Variants in LAMA5 observed in about 807,000 individuals in gnomAD.
LAMA5 encodes the protein laminin subunit alpha-5.
Under a neutral mutation model 433.4 loss-of-function variants are expected in LAMA5, and 260 were observed. That is an observed-to-expected ratio of 0.60 (90% CI 0.54 to 0.66). The LOEUF (loss-of-function observed/expected upper bound fraction) is 0.66. LAMA5 is among the 30% of genes least tolerant of loss of function. The pLI is 0.00. For synonymous variants in LAMA5, 2,620 were observed against 2,226.6 expected, an observed-to-expected ratio of 1.18 and a Z score of -4.97; for missense variants, 5,378 against 5,258.5, an observed-to-expected ratio of 1.02 and a Z score of -0.70.
intron 6 of LAMA5, 146 bp downstream of exon 6, chr20:62,351,557 TG>T: frequency 1.4e-6 from 1 of 716,302 alleles, no homozygotes; most frequent in Non-Finnish European, 2.4e-6. Flanking sequence ...CACACGGCGG[TG>T]GTCAGTGCAG....
intron 52 of LAMA5, 38 bp downstream of exon 52, chr20:62,318,805 C>G (rs904222934): frequency 1.2e-6 from 2 of 1,603,752 alleles, no homozygotes; most frequent in Admixed American, 1.7e-5. Flanking sequence ...AGGTCCCTGC[C>G]TCTCCCCACC....
intron 55 of LAMA5, 126 bp from the exon 56 acceptor site, chr20:62,317,149 G>T: frequency 8.0e-7 from 1 of 1,245,832 alleles, no homozygotes; most frequent in Non-Finnish European, 1.1e-6. Context: ...CCAGGTCTTT[G>T]CCCGTGCCTG....
chr20:62,325,602 A>C, intron 40 of LAMA5, 56 bp from the exon 41 acceptor site: 2 of 1,209,070 alleles, frequency 1.7e-6, no homozygotes, highest in Non-Finnish European at 2.4e-6. Flanking sequence ...CAGAACAGGG[A>C]GCCTAGAACA....
rs766927743 is a variant in LAMA5, at chr20:62,313,696, G to T, written c.8611C>A (p.Pro2871Thr). 3.1e-6 allele frequency: 5 copies of T among 1,612,860 alleles called. No homozygotes were observed. In the East Asian group the frequency reaches 1.1e-4, roughly 36 times the overall value. The change falls in exon 63 of 80, where the codon CCA becomes ACA. Residue 2871 changes from proline to threonine, a missense_variant. By Grantham distance (38) the Pro-to-Thr change is conservative (BLOSUM62 -1). Coordinates refer to ENST00000252999, the MANE Select transcript of LAMA5 (RefSeq NM_005560.6). The part of the protein sequence containing the change: ...PGAEGLLNLR[P>T]DDFVFYVGGY... ...CCGACGTAGAAGACGAAGTCGTCTG[G>T]CCGCAGGTTGAGCAGCCCCTCTGCC...
chr20:62,309,070 CAGAA>C lies in LAMA5; in HGVS notation c.*262_*265del, dbSNP rs1985741887. The C allele has an allele frequency of 3.3e-6, 2 of 609,394 alleles. No individual in the cohort carries two copies. Among genetic ancestry groups the C allele is most frequent in the South Asian group, 4.7e-5 (2 of 42,470 alleles). 37.7% of individuals were successfully genotyped at this position (609,394 alleles called of 1,614,324 possible). On this transcript the variant is annotated 3_prime_UTR_variant, in exon 80 of 80. Coordinates refer to ENST00000252999, the MANE Select transcript of LAMA5 (RefSeq NM_005560.6). ...TTAAGTCAACATTCATTCGGTTACA[CAGAA>C]GTTACTTTTTAATTTTTAAGGAGGA...
chr20:62,334,554 G>A lies in LAMA5; in HGVS notation c.2550C>T (p.Cys850=). The stretch of plus-strand genomic sequence containing the variant: ...AGGTGGGGCCCTGGGTGTTGGGGCG[G>A]CACCGGCAGACGCCCGTCCTCGGTT... The part of the protein sequence containing the change: ...SCEPRTGVCR[C]RPNTQGPTCS... The change falls in exon 21 of 80, where the codon TGC becomes TGT. Residue 850 remains cysteine, a synonymous_variant. Transcript: ENST00000252999. The A allele has an allele frequency of 6.5e-7, 1 of 1,548,558 alleles. No homozygotes were observed.
rs143316901 is a variant in LAMA5 at position 62,324,639 on chromosome 20, G to GA, written c.5530-86dup. On this transcript the variant is annotated intron_variant, in intron 41 of 79. Coordinates refer to ENST00000252999, the MANE Select transcript of LAMA5 (RefSeq NM_005560.6). The surrounding 1 kb of genome is among the most constrained non-coding windows in gnomAD (Gnocchi z 4.4). ...CAAGCTCACAAGTCAGACCCTCAGG[G>GA]ATCCTGCAGGCACGAGGCACTGGGA... 3.2e-4 allele frequency: 271 copies of GA among 840,796 alleles called. 2 individuals are homozygous for GA. The East Asian group carries it at 7.2e-3, about 22-fold the overall frequency. The allele number at this position is 840,796 out of a possible 1,614,324, so 52.1% of individuals were successfully genotyped here.
intron 50 of LAMA5, among the ~76,000 whole-genome samples, 153 bp from the exon 51 acceptor site, chr20:62,319,948 C>G (rs1241991134): frequency 6.6e-6 from 1 of 152,228 alleles, no homozygotes; most frequent in Non-Finnish European, 1.5e-5. Context: ...TTATTTATCA[C>G]TTGTTAGTTA....
chr20:62,365,048 GCATC>G (rs1390872288), intron 1 of LAMA5, among the ~76,000 whole-genome samples: 2 of 152,284 alleles, frequency 1.3e-5, no homozygotes, highest in Non-Finnish European at 2.9e-5. Flanking sequence ...GATGAAGGAG[GCATC>G]CAAGGTCATA....
chr20:62,338,678 C>A (rs1248263032), intron 11 of LAMA5, 70 bp from the exon 12 acceptor site: 4 of 1,425,448 alleles, frequency 2.8e-6, no homozygotes, highest in African/African-American at 1.4e-5. Flanking sequence ...CCTGGCAAAC[C>A]TTCCCTCTCC....
At chr20:62,311,816 T>TTGGCG in intron 70 of LAMA5, 32 bp from the exon 71 acceptor site, 5 of 1,520,988 alleles carry the variant, frequency 3.3e-6, no homozygotes, top group Non-Finnish European at 4.5e-6. Flanking sequence ...GCTCGGTTTT[T>TTGGCG]CCCCACCCTG....
intron 2 of LAMA5, among the ~76,000 whole-genome samples, chr20:62,357,508 G>A (rs1299225925): frequency 6.6e-6 from 1 of 152,162 alleles, no homozygotes; most frequent in Non-Finnish European, 1.5e-5. Flanking sequence ...GGGGCGGGGC[G>A]GCAGCCGGGA....
In LAMA5 at chr20:62,359,787, T is replaced by G. The variant is rs1418878232; in HGVS notation, c.450+2613A>C. 3.3e-5 allele frequency among the ~76,000 whole-genome samples: 5 copies of G among 152,000 alleles called. No homozygotes were observed. The highest frequency in any genetic ancestry group is 9.7e-5 in the African/African-American group (4 of 41,440). On this transcript the variant is annotated intron_variant, in intron 2 of 79. Transcript: ENST00000252999. The surrounding 1 kb of genome is among the most constrained non-coding windows in gnomAD (Gnocchi z 4.3). ...GGGCCCAGGCTCAGCTGCTTCTGGG[T>G]GGACACCACAGGGACTAGTCTCCCC...
rs748718422 is a variant in LAMA5 at position 62,338,236 on chromosome 20, G to A, written c.1752C>T (p.Cys584=). ...CAPGYFHFPL[C]QLCGCSPAGT... Reference sequence around the variant, plus strand: ...ACGTGGAGAGGCACCACTCACACTGGCAGAGAGGGAAGTGAAAGTAGCCGG... The same window carrying A: ...ACGTGGAGAGGCACCACTCACACTGACAGAGAGGGAAGTGAAAGTAGCCGG... Residue 584 remains cysteine (C), a synonymous_variant, in exon 13 of 80, where the codon TGC becomes TGT. Coordinates refer to ENST00000252999, the MANE Select transcript of LAMA5 (RefSeq NM_005560.6). The A allele has an allele frequency of 6.3e-7, 1 of 1,595,186 alleles. No homozygotes were observed. The highest frequency in any genetic ancestry group is 8.5e-7 in the Non-Finnish European group (1 of 1,169,882).
intron 57 of LAMA5, 100 bp downstream of exon 57, chr20:62,316,571 A>G: frequency 1.1e-6 from 1 of 875,086 alleles, no homozygotes; most frequent in South Asian, 2.0e-5. Flanking sequence ...TGCTGCGGTG[A>G]CCCACAAACC....
chr20:62,326,810 TGCCACTGCGCCAC>T, intron 39 of LAMA5, 42 bp downstream of exon 39: 1 of 1,603,006 alleles, frequency 6.2e-7, no homozygotes, highest in Non-Finnish European at 8.5e-7. Context: ...TGGACCACGG[TGCCACTGCGCCAC>T]GCCCACCCAA....
chr20:62,348,521 G>A (rs536584994), intron 6 of LAMA5, among the ~76,000 whole-genome samples: 2 of 152,128 alleles, frequency 1.3e-5, no homozygotes, highest in Non-Finnish European at 2.9e-5. Context: ...GCAGGAGAAT[G>A]GCACGAACCT....
intron 11 of LAMA5, among the ~76,000 whole-genome samples, chr20:62,339,449 G>C (rs1173747938): frequency 1.3e-5 from 2 of 151,962 alleles, no homozygotes; most frequent in Non-Finnish European, 2.9e-5. Flanking sequence ...TGTTAGCCAG[G>C]ACGGTCTCCA....
intron 2 of LAMA5, among the ~76,000 whole-genome samples, chr20:62,354,836 G>A (rs769638289): frequency 2.7e-4 from 41 of 152,116 alleles, no homozygotes; most frequent in Admixed American, 9.8e-4. Context: ...AAGGGAGGGT[G>A]AGCCCCTCCC....
Sources: gnomAD v4.1 joint callset for allele counts (sites outside exome capture counted in the v4.1 genomes callset) on GRCh38, gnomAD v4.1.1 for gene constraint, Gnocchi (gnomAD v3.1) non-coding constraint, MANE v1.5 for transcripts, NCBI Gene and HGNC (gene_info 2026-07-23, HGNC 2026-07-21) for gene names.